Variants in WBP2 observed in about 807,000 individuals in gnomAD.
WBP2 encodes the protein WW domain-binding protein 2.
Under a neutral mutation model 33.0 loss-of-function variants are expected in WBP2, and 23 were observed. The observed-to-expected ratio is 0.70, with a 90% CI of 0.50 to 0.99. The LOEUF is 0.99. Ranked by LOEUF, WBP2 falls within the 50% of genes least tolerant of loss-of-function variation. WBP2 has a pLI of 0.00. For missense variants in WBP2, 353 were observed against 358.0 expected (o/e 0.99, Z 0.11); for synonymous variants, 153 against 133.5 (o/e 1.15, Z -1.01).
Position 75,848,382 on chromosome 17 carries a change from C to T in WBP2, c.397+188G>A, listed in dbSNP as rs2065008135. ...CCTGCCCCAGGCAGGGAAACGCAGTCTCTGAGGTACAGGACAGAGCTGATG... is the reference window on the plus strand; with the variant it reads ...CCTGCCCCAGGCAGGGAAACGCAGTTTCTGAGGTACAGGACAGAGCTGATG... On this transcript the variant is annotated intron_variant, in intron 4 of 7. Coordinates refer to ENST00000254806, the MANE Select transcript of WBP2 (RefSeq NM_012478.4). 3 of 618,338 alleles carry T rather than the reference C, an allele frequency of 4.9e-6. No individual in the cohort carries two copies. The East Asian group carries it at 8.2e-5, about 17-fold the overall frequency. The allele number at this position is 618,338 out of a possible 1,614,324, so 38.3% of individuals were successfully genotyped here.
intron 2 of WBP2, among the ~76,000 whole-genome samples, chr17:75,850,233 A>C (rs4572466): frequency 0.29 from 44,144 of 150,382 alleles, 8,074 homozygotes; most frequent in African/African-American, 0.52. Context: ...CTTGGGTTTT[A>C]TTTTTTCTTT....
At position 75,855,333 on chromosome 17, in the gene WBP2, A is replaced by G; in HGVS notation, c.-36T>C. On this transcript the variant is annotated 5_prime_UTR_variant, in exon 1 of 8. Transcript: ENST00000254806. The stretch of plus-strand genomic sequence containing the variant: ...ACAGGGGTCCCGAGACTCAAAACGC[A>G]ATGAGCTTGCGCCCCTCTTCGCCCC... 6.2e-7 allele frequency: 1 copy of G among 1,609,122 alleles called. No individual in the cohort carries two copies. The highest frequency in any genetic ancestry group is 8.5e-7 in the Non-Finnish European group (1 of 1,179,240).
chr17:75,846,485 G>A lies in WBP2; in HGVS notation c.*249C>T, dbSNP rs1599419059. 1 of 568,374 alleles carries A rather than the reference G, an allele frequency of 1.8e-6. No individual in the cohort carries two copies. Among genetic ancestry groups the A allele is most frequent in the East Asian group, 3.1e-5 (1 of 32,538 alleles). The allele number at this position is 568,374 out of a possible 1,614,324, so 35.2% of individuals were successfully genotyped here. On this transcript the variant is annotated 3_prime_UTR_variant, in exon 8 of 8. Transcript: ENST00000254806. This position sits in a 1 kb window ranked among gnomAD's most constrained non-coding sequence, Gnocchi z 4.8. ...GAACAGGGGATGCTCCGTGCTCCCAGAAGAGCCCCAGACGGTGAGGGAGGT... is the reference window on the plus strand; with the variant it reads ...GAACAGGGGATGCTCCGTGCTCCCAAAAGAGCCCCAGACGGTGAGGGAGGT...
chr17:75,856,072 C>G (rs2065057129), upstream of WBP2, among the ~76,000 whole-genome samples: 1 of 152,070 alleles, frequency 6.6e-6, no homozygotes, highest in Non-Finnish European at 1.5e-5. Flanking sequence ...CGCCGCTCCC[C>G]CCTTAGCGCC....
Position 75,851,577 on chromosome 17 carries a change from G to C in WBP2, c.159C>G (p.Thr53=). ...CTGCTGTGCAACTCACCCGGTAAGG[G>C]GTAAGGTAGACAGTGCCTTTCTTGG... ...KGTKKGTVYL[T]PYRVIFLSKG... is the part of the protein sequence containing the mutation. Residue 53 remains threonine, a synonymous_variant, in exon 2 of 8, where the codon ACC becomes ACG. Coordinates refer to ENST00000254806, the MANE Select transcript of WBP2 (RefSeq NM_012478.4). 6.2e-7 allele frequency: 1 copy of C among 1,612,934 alleles called. No homozygotes were observed. Among genetic ancestry groups the C allele is most frequent in the Non-Finnish European group, 8.5e-7 (1 of 1,179,092 alleles).
In WBP2 at chr17:75,848,572, T is replaced by C; in HGVS notation, c.395A>G (p.Gln132Arg). 1 of 1,604,390 alleles carries C rather than the reference T, an allele frequency of 6.2e-7. No homozygotes were observed. The highest frequency in any genetic ancestry group is 8.5e-7 in the Non-Finnish European group (1 of 1,171,278). ...CCTAATCTTCGGAGCCTGGATACCT[T>C]GAGATGCCACCTGGAGCATCCGCTG... ...FGQRMLQVAS[Q>R]ASRGEVPSGA... Residue 132 changes from glutamine (Q) to arginine (R), a missense_variant and splice_region_variant, in exon 4 of 8, where the codon CAA (glutamine) becomes CGA (arginine). Transcript: ENST00000254806.
At chr17:75,855,613 T>C (rs533458115), upstream of WBP2, 1 of 360,888 alleles carries the variant, frequency 2.8e-6, no homozygotes, top group East Asian at 5.1e-5. Context: ...TGGTTCCACA[T>C]TTTGCGTAAC....
chr17:75,854,424 G>A (rs1200798485), intron 1 of WBP2, among the ~76,000 whole-genome samples: 1 of 152,222 alleles, frequency 6.6e-6, no homozygotes, highest in South Asian at 2.1e-4. Flanking sequence ...TCTTGGCAGA[G>A]ACTGGAGGAG....
chr17:75,854,958 T>C (rs970695166), intron 1 of WBP2, among the ~76,000 whole-genome samples: 2 of 152,146 alleles, frequency 1.3e-5, no homozygotes, highest in African/African-American at 2.4e-5. Context: ...AAATCACAAG[T>C]CTGGGAAGGG....
chr17:75,849,562 C>T, intron 3 of WBP2, 42 bp downstream of exon 3: 5 of 1,611,204 alleles, frequency 3.1e-6, no homozygotes, highest in Non-Finnish European at 3.4e-6. Context: ...CAGGACACCT[C>T]CCTGCAGGCC....
Position 75,855,285 on chromosome 17 carries a change from T to G in WBP2, c.13A>C (p.Lys5Gln). 6.2e-7 allele frequency: 1 copy of G among 1,612,880 alleles called. No homozygotes were observed. The highest frequency in any genetic ancestry group is 8.5e-7 in the Non-Finnish European group (1 of 1,179,944). MALN[K>Q]NHSEGGGVIV... is the part of the protein sequence containing the mutation. The stretch of plus-strand genomic sequence containing the variant: ...ACTCCGCCGCCCTCCGAGTGATTCT[T>G]GTTGAGCGCCATAGTCTCTCCAACA... The change falls in exon 1 of 8, where the codon AAG (lysine) becomes CAG (glutamine). Residue 5 changes from lysine (K) to glutamine (Q), a missense_variant. By Grantham distance (53) the Lys-to-Gln change is moderately conservative. Coordinates refer to ENST00000254806, the MANE Select transcript of WBP2 (RefSeq NM_012478.4).
chr17:75,849,487 A>C, intron 3 of WBP2, 117 bp downstream of exon 3: 8 of 1,315,392 alleles, frequency 6.1e-6, no homozygotes, highest in Non-Finnish European at 8.4e-6. Context: ...AGAGCTGGGA[A>C]GAGGTCATGG....
intron 1 of WBP2, among the ~76,000 whole-genome samples, chr17:75,854,750 A>G (rs916690359): frequency 6.6e-6 from 1 of 152,140 alleles, no homozygotes; most frequent in African/African-American, 2.4e-5. Context: ...TCTGTTACTT[A>G]CACAGTTGCG....
chr17:75,846,741 GTCT>G lies in WBP2; in HGVS notation c.776_778del (p.Lys259del). 2.0e-6 allele frequency: 3 copies of G among 1,527,594 alleles called. No individual in the cohort carries two copies. The South Asian group carries it at 3.8e-5, about 20-fold the overall frequency. 94.6% of individuals were successfully genotyped at this position (1,527,594 alleles called of 1,614,324 possible). A position where few individuals can be genotyped will look rare whatever the true frequency, so the allele number is the denominator to read the frequency against. ...GCAGGGAGGCAGGAGGGCCTACTGG[GTCT>G]TCTTATCTTCCGGTGGGTAGTAGGG... On this transcript the variant is annotated inframe_deletion, in exon 8 of 8. Transcript: ENST00000254806. This position sits in a 1 kb window ranked among gnomAD's most constrained non-coding sequence, Gnocchi z 4.8.
intron 4 of WBP2, 27 bp from the exon 5 acceptor site, chr17:75,847,957 G>C (rs1010282338): frequency 6.4e-7 from 1 of 1,558,818 alleles, no homozygotes; most frequent in African/African-American, 1.4e-5. Flanking sequence ...AAAGAGAAAT[G>C]AGCGTGGCCT....
intron 6 of WBP2, 105 bp from the exon 7 acceptor site, chr17:75,847,089 C>G (rs2064997972): frequency 8.0e-7 from 1 of 1,246,156 alleles, no homozygotes; most frequent in Non-Finnish European, 1.1e-6. Flanking sequence ...TGCTGGGGGT[C>G]CAGTTCCACC....
chr17:75,846,870 G>T lies in WBP2; in HGVS notation c.732+38C>A. 1 of 1,613,564 alleles carries T rather than the reference G, an allele frequency of 6.2e-7. No homozygotes were observed. The highest frequency in any genetic ancestry group is 8.5e-7 in the Non-Finnish European group (1 of 1,179,740). ...TCCCCCTGCGGCTCCCAGCATCTGC[G>T]GCTGTGGGGCTGCACCGGCACTGCC... On this transcript the variant is annotated intron_variant, in intron 7 of 7. Coordinates refer to ENST00000254806, the MANE Select transcript of WBP2 (RefSeq NM_012478.4). The surrounding 1 kb of genome is among the most constrained non-coding windows in gnomAD (Gnocchi z 4.8).
In WBP2 at chr17:75,846,815, C is replaced by T; in HGVS notation, c.733-28G>A. 6.3e-7 allele frequency: 1 copy of T among 1,593,774 alleles called. No homozygotes were observed. The highest frequency in any genetic ancestry group is 8.6e-7 in the Non-Finnish European group (1 of 1,168,936). On this transcript the variant is annotated intron_variant, in intron 7 of 7. Transcript: ENST00000254806. This position sits in a 1 kb window ranked among gnomAD's most constrained non-coding sequence, Gnocchi z 4.8. ...AAAGAAGGGAGAAAGGAGAGACTTG[C>T]ATTAGAAGGTTTAAAACATGGTGCG...
rs141368308 is a variant in WBP2, at chr17:75,846,223, G to A, written c.*511C>T. On this transcript the variant is annotated 3_prime_UTR_variant, in exon 8 of 8. Transcript: ENST00000254806. This position sits in a 1 kb window ranked among gnomAD's most constrained non-coding sequence, Gnocchi z 4.8. Reference sequence around the variant, plus strand: ...GACAGGGAAGGGAAGGAAGGGTGGCGGGGGCTGCAGCTGGACCCTGGCTGA... The same window carrying A: ...GACAGGGAAGGGAAGGAAGGGTGGCAGGGGCTGCAGCTGGACCCTGGCTGA... 484 of 162,284 alleles carry A rather than the reference G, an allele frequency of 3.0e-3. 2 individuals carry two copies. Among genetic ancestry groups the A allele is most frequent in the African/African-American group, 0.011 (445 of 41,630 alleles). 10.1% of individuals were successfully genotyped at this position (162,284 alleles called of 1,614,324 possible). A position where few individuals can be genotyped will look rare whatever the true frequency, so the allele number is the denominator to read the frequency against.
Sources: gnomAD v4.1 joint callset for allele counts (sites outside exome capture counted in the v4.1 genomes callset) on GRCh38, gnomAD v4.1.1 for gene constraint, Gnocchi (gnomAD v3.1) non-coding constraint, MANE v1.5 for transcripts, NCBI Gene and HGNC (gene_info 2026-07-23, HGNC 2026-07-21) for gene names.